The following SBF2 variants were observed in gnomAD, a reference collection of about 807,000 sequenced individuals.
SBF2 encodes myotubularin-related protein 13.
In SBF2, 112 loss-of-function variants were observed where a neutral mutation model predicts 225.2. The observed-to-expected ratio is 0.50, with a 90% CI of 0.43 to 0.58. The LOEUF (loss-of-function observed/expected upper bound fraction) is 0.58. SBF2 is among the 20% of genes least tolerant of loss of function. The pLI, the probability that SBF2 is intolerant of heterozygous loss-of-function variation, is 0.00. For missense variants in SBF2, 1,996 were observed against 2,206.2 expected (o/e 0.90, Z 1.91); for synonymous variants, 763 against 773.3 (o/e 0.99, Z 0.22).
chr11:10,148,760 AT>A (rs1955013092), intron 2 of SBF2, among the ~76,000 whole-genome samples: 1 of 152,134 alleles, frequency 6.6e-6, no homozygotes, highest in South Asian at 2.1e-4. Flanking sequence ...AAAAAAAAAA[AT>A]GGAAAATATT....
chr11:10,239,999 G>A (rs1464783794), intron 1 of SBF2, among the ~76,000 whole-genome samples: 1 of 152,140 alleles, frequency 6.6e-6, no homozygotes, highest in Non-Finnish European at 1.5e-5. Context: ...AATCAGCACT[G>A]GAGGTGCCCT....
chr11:10,123,614 A>C lies in SBF2; in HGVS notation c.141+70288T>G, dbSNP rs902944121. ...CAGTGCCTAATGGTTATAGATCTCC[A>C]CTAGTTCCTGTTGTATTCAGAGTCG... On this transcript the variant is annotated intron_variant, in intron 2 of 39. Coordinates refer to ENST00000256190, the MANE Select transcript of SBF2 (RefSeq NM_030962.4). Among the ~76,000 whole-genome samples, 4 of 152,072 alleles carry C rather than the reference A, an allele frequency of 2.6e-5. No individual in the cohort carries two copies. In the East Asian group the frequency reaches 7.7e-4, roughly 29 times the overall value.
chr11:10,267,473 A>C (rs1314951208), intron 1 of SBF2, among the ~76,000 whole-genome samples: 4 of 152,216 alleles, frequency 2.6e-5, no homozygotes, highest in African/African-American at 9.7e-5. Flanking sequence ...GGAAAAAAAA[A>C]CAACACTTTG....
At chr11:10,223,457 A>T (rs1958426630) in intron 1 of SBF2, among the ~76,000 whole-genome samples, 1 of 137,298 alleles carries the variant, frequency 7.3e-6, no homozygotes, top group Non-Finnish European at 1.6e-5. Flanking sequence ...TTCTTACAAT[A>T]AAGTAAGCTA....
At chr11:10,294,762 G>A (rs934342698), upstream of SBF2, among the ~76,000 whole-genome samples, 7 of 152,230 alleles carry the variant, frequency 4.6e-5, no homozygotes, top group Non-Finnish European at 8.8e-5. Flanking sequence ...TGGGCCGGGG[G>A]CGGTCGGCCT....
At chr11:10,086,357 A>T (rs1055572001) in intron 2 of SBF2, among the ~76,000 whole-genome samples, 1 of 152,084 alleles carries the variant, frequency 6.6e-6, no homozygotes, top group Non-Finnish European at 1.5e-5. Context: ...ACCTGACATA[A>T]CTCTTACTGA....
intron 17 of SBF2, among the ~76,000 whole-genome samples, chr11:9,868,337 C>CAAA (rs35348349): frequency 1.7e-3 from 46 of 26,378 alleles, no homozygotes; most frequent in East Asian, 6.4e-3. Context: ...TACAAAAATA[C>CAAA]AAAAAAAAAA....
At chr11:9,920,779 G>A (rs966485193) in intron 16 of SBF2, among the ~76,000 whole-genome samples, 3 of 152,106 alleles carry the variant, frequency 2.0e-5, no homozygotes, top group Non-Finnish European at 2.9e-5. Flanking sequence ...GCCCTGTACC[G>A]TTATTTCAGA....
intron 17 of SBF2, among the ~76,000 whole-genome samples, chr11:9,880,044 A>C (rs1466965476): frequency 7.3e-6 from 1 of 136,684 alleles, no homozygotes; most frequent in African/African-American, 2.8e-5. Context: ...AGATCGTGCC[A>C]CTGCACTCCA....
chr11:10,245,164 C>T (rs936575022), intron 1 of SBF2, among the ~76,000 whole-genome samples: 3 of 146,222 alleles, frequency 2.1e-5, no homozygotes, highest in African/African-American at 7.5e-5. Flanking sequence ...TTAAAATGGG[C>T]AAACTAATTA....
chr11:10,225,109 G>A (rs1243200925), intron 1 of SBF2, among the ~76,000 whole-genome samples: 1 of 151,980 alleles, frequency 6.6e-6, no homozygotes, highest in Middle Eastern at 3.2e-3. Context: ...AAAATAAAGT[G>A]AACATAAAAA....
chr11:10,223,399 T>TATA (rs1555082901), intron 1 of SBF2, among the ~76,000 whole-genome samples: 2 of 59,276 alleles, frequency 3.4e-5, no homozygotes, highest in African/African-American at 6.0e-5. Flanking sequence ...ATTTTGCACA[T>TATA]TATATATATA....
At chr11:10,224,241 T>C (rs953521340) in intron 1 of SBF2, among the ~76,000 whole-genome samples, 2 of 152,140 alleles carry the variant, frequency 1.3e-5, no homozygotes, top group African/African-American at 2.4e-5. Flanking sequence ...AAAAGATCCA[T>C]GTATAAGTAG....
intron 2 of SBF2, among the ~76,000 whole-genome samples, chr11:10,140,520 C>T (rs1188013933): frequency 6.6e-6 from 1 of 152,178 alleles, no homozygotes; most frequent in East Asian, 1.9e-4. Context: ...CTCTGTGTCT[C>T]TCCCCCTTAA....
intron 2 of SBF2, among the ~76,000 whole-genome samples, chr11:10,131,520 G>A (rs1452945012): frequency 2.6e-5 from 4 of 152,184 alleles, no homozygotes; most frequent in South Asian, 4.1e-4. Flanking sequence ...TGCAACCTCC[G>A]CCTCCCAGGT....
intron 3 of SBF2, 82 bp downstream of exon 3, chr11:10,042,762 T>G: frequency 6.8e-7 from 1 of 1,479,404 alleles, no homozygotes; most frequent in Non-Finnish European, 9.4e-7. Flanking sequence ...AAACTTGCAG[T>G]TGTAACAAAA....
At chr11:9,968,815 T>C (rs1017452314) in intron 13 of SBF2, among the ~76,000 whole-genome samples, 1 of 152,194 alleles carries the variant, frequency 6.6e-6, no homozygotes, top group African/African-American at 2.4e-5. Context: ...CTATTTCTCA[T>C]CTCCCTAATC....
At chr11:10,250,704 ACT>A (rs1960256819) in intron 1 of SBF2, among the ~76,000 whole-genome samples, 1 of 152,224 alleles carries the variant, frequency 6.6e-6, no homozygotes, top group African/African-American at 2.4e-5. Context: ...TTTATGGTTC[ACT>A]AAGGACAATC....
At chr11:10,280,469 C>T (rs10500724) in intron 1 of SBF2, among the ~76,000 whole-genome samples, 74,595 of 151,894 alleles carry the variant, frequency 0.49, 18,668 homozygotes, top group Non-Finnish European at 0.54. Context: ...CTGGATCTTA[C>T]TAAGTCTGCA....
Sources: gnomAD v4.1 joint callset for allele counts (sites outside exome capture counted in the v4.1 genomes callset) on GRCh38, gnomAD v4.1.1 for gene constraint, MANE v1.5 for transcripts, NCBI Gene and HGNC (gene_info 2026-07-23, HGNC 2026-07-21) for gene names.